The following CUL4A variants were observed in gnomAD, a reference collection of about 807,000 sequenced individuals.
CUL4A encodes cullin 4A, also known as cullin-4A.
CUL4A carries 16 observed loss-of-function variants against 95.5 expected under a neutral mutation model. That is an observed-to-expected ratio of 0.17 (90% CI 0.11 to 0.25). CUL4A has a LOEUF of 0.25. Ranked by LOEUF, CUL4A falls within the 10% of genes least tolerant of loss-of-function variation. CUL4A has a pLI of 1.00. For missense variants in CUL4A, 610 were observed against 937.0 expected (o/e 0.65, Z 4.56); for synonymous variants, 380 against 353.1 (o/e 1.08, Z -0.85).
intron 2 of CUL4A, among the ~76,000 whole-genome samples, chr13:113,214,136 TTTTTGG>T (rs1376850476): frequency 6.6e-6 from 1 of 152,166 alleles, no homozygotes; most frequent in Non-Finnish European, 1.5e-5. Flanking sequence ...TCGTGTTTGG[TTTTTGG>T]TTTTGCTCAC....
At chr13:113,216,154 C>CT (rs1241801615) in intron 2 of CUL4A, among the ~76,000 whole-genome samples, 1 of 150,676 alleles carries the variant, frequency 6.6e-6, no homozygotes, top group African/African-American at 2.5e-5. Flanking sequence ...CTGTGGAGGT[C>CT]TTTGTGTGAC....
At chr13:113,213,673 C>A (rs1170135077) in intron 2 of CUL4A, among the ~76,000 whole-genome samples, 1 of 152,208 alleles carries the variant, frequency 6.6e-6, no homozygotes, top group Non-Finnish European at 1.5e-5. Flanking sequence ...ATAAAACAAT[C>A]ACTAGATATT....
intron 3 of CUL4A, 29 bp downstream of exon 3, chr13:113,219,077 T>A (rs1567016242): frequency 1.6e-5 from 22 of 1,408,822 alleles, no homozygotes; most frequent in Non-Finnish European, 2.1e-5. Flanking sequence ...ATAAAGTTTC[T>A]ATTCATTATC....
At chr13:113,209,574 G>A (rs2040263133), upstream of CUL4A, 2 of 950,470 alleles carry the variant, frequency 2.1e-6, no homozygotes, top group Non-Finnish European at 2.5e-6. Flanking sequence ...CGGGCGGAGC[G>A]GAGCTCGGCG....
intron 18 of CUL4A, 45 bp from the exon 19 acceptor site, chr13:113,260,562 G>A: frequency 6.5e-7 from 1 of 1,548,086 alleles, no homozygotes; most frequent in Non-Finnish European, 8.7e-7. Flanking sequence ...AAAATAAAAA[G>A]AAAATACAGT....
At position 113,225,338 on chromosome 13, in the gene CUL4A, G is replaced by T. The variant is rs368258519; in HGVS notation, c.369-2638G>T. Among the ~76,000 whole-genome samples, 9 of 152,296 alleles carry T rather than the reference G, an allele frequency of 5.9e-5. No individual in the cohort carries two copies. The East Asian group carries it at 1.2e-3, about 20-fold the overall frequency. ...AATATGGAATTGATTTTGATGTTTA[G>T]AAGGCCAAAGCTTACTTAGTAAATG... On this transcript the variant is annotated intron_variant, in intron 3 of 19. Transcript: ENST00000375440.
At chr13:113,238,270 T>C (rs1050505539) in intron 9 of CUL4A, among the ~76,000 whole-genome samples, 4 of 151,930 alleles carry the variant, frequency 2.6e-5, no homozygotes, top group African/African-American at 9.7e-5. Flanking sequence ...AGAGACCCTG[T>C]CTCTACCAAA....
chr13:113,223,579 T>A (rs2139135124), intron 3 of CUL4A, among the ~76,000 whole-genome samples: 1 of 152,316 alleles, frequency 6.6e-6, no homozygotes, highest in South Asian at 2.1e-4. Context: ...GTATTTTTAG[T>A]AGAAACGGGG....
intron 9 of CUL4A, 73 bp from the exon 10 acceptor site, chr13:113,239,360 A>G (rs1045402000): frequency 7.9e-7 from 1 of 1,266,266 alleles, no homozygotes; most frequent in East Asian, 2.3e-5. Context: ...CTTCTGGTGC[A>G]CGCTGTATTC....
At chr13:113,251,318 G>C (rs1433370258) in intron 15 of CUL4A, among the ~76,000 whole-genome samples, 1 of 152,246 alleles carries the variant, frequency 6.6e-6, no homozygotes, top group Non-Finnish European at 1.5e-5. Flanking sequence ...ATGTATGAAA[G>C]ACAGTGGAAT....
chr13:113,233,776 G>A, intron 6 of CUL4A, 121 bp from the exon 7 acceptor site: 2 of 703,318 alleles, frequency 2.8e-6, no homozygotes, highest in South Asian at 1.6e-5. Flanking sequence ...CGGCTGGGTG[G>A]CCACAGGCGC....
chr13:113,257,474 C>G (rs1595431979), intron 18 of CUL4A, among the ~76,000 whole-genome samples: 2 of 152,168 alleles, frequency 1.3e-5, no homozygotes, highest in South Asian at 4.1e-4. Flanking sequence ...ATCACCTCAG[C>G]TTCTGACGAG....
At chr13:113,259,095 T>C (rs940415120) in intron 18 of CUL4A, among the ~76,000 whole-genome samples, 5 of 152,274 alleles carry the variant, frequency 3.3e-5, no homozygotes, top group Non-Finnish European at 7.3e-5. Flanking sequence ...CCAGCCACTT[T>C]ACAAAACTCT....
Position 113,263,688 on chromosome 13 carries a change from T to G in CUL4A, c.*106T>G. ...CTCTGATTGATCCAGCTGTGGACATTGGAAGGCGAAGGAAGGGAGGTGGCT... is the reference window on the plus strand; with the variant it reads ...CTCTGATTGATCCAGCTGTGGACATGGGAAGGCGAAGGAAGGGAGGTGGCT... On this transcript the variant is annotated 3_prime_UTR_variant, in exon 20 of 20. Coordinates refer to ENST00000375440, the MANE Select transcript of CUL4A (RefSeq NM_001008895.4). The G allele has an allele frequency of 1.5e-6, 1 of 654,490 alleles. No homozygotes were observed. The highest frequency in any genetic ancestry group is 2.5e-6 in the Non-Finnish European group (1 of 399,464). The allele number at this position is 654,490 out of a possible 1,614,324, so 40.5% of individuals were successfully genotyped here.
intron 4 of CUL4A, 61 bp downstream of exon 4, chr13:113,228,106 T>C (rs2139158981): frequency 8.0e-7 from 1 of 1,244,278 alleles, no homozygotes; most frequent in East Asian, 2.3e-5. Flanking sequence ...ACCCACATGA[T>C]TGAGAGCTGA....
intron 2 of CUL4A, among the ~76,000 whole-genome samples, chr13:113,210,723 C>T (rs2040388488): frequency 6.6e-6 from 1 of 152,098 alleles, no homozygotes; most frequent in African/African-American, 2.4e-5. Flanking sequence ...AACATTCATT[C>T]AGTAGTCTAA....
intron 5 of CUL4A, among the ~76,000 whole-genome samples, chr13:113,231,334 G>GA (rs1308328045): frequency 6.6e-6 from 1 of 152,186 alleles, no homozygotes; most frequent in Admixed American, 6.5e-5. Flanking sequence ...AGCAAAGGTG[G>GA]TCAGGCAGCT....
At position 113,233,915 on chromosome 13, in the gene CUL4A, G is replaced by C. The variant is rs148458704; in HGVS notation, c.694G>C (p.Glu232Gln). Residue 232 changes from glutamate to glutamine, a missense_variant, in exon 7 of 20, where the codon GAA (glutamate) becomes CAA (glutamine). By Grantham distance (29) the Glu-to-Gln change is conservative. Transcript: ENST00000375440. ...TTCTTAGGTGTATAAAGATTCATTT[G>C]AACTGAAATTTTTGGAAGAGACTAA... ...SDLQVYKDSF[E>Q]LKFLEETNCL... 29 of 1,601,352 alleles carry C rather than the reference G, an allele frequency of 1.8e-5. No homozygotes were observed. In the African/African-American group the frequency reaches 3.9e-4, roughly 21 times the overall value.
intron 18 of CUL4A, 127 bp from the exon 19 acceptor site, chr13:113,260,480 G>A: frequency 1.4e-6 from 1 of 733,118 alleles, no homozygotes; most frequent in South Asian, 1.9e-5. Context: ...ATCCTGGGAG[G>A]CGGAGGTTGC....
Sources: allele counts gnomAD v4.1 joint callset (sites outside exome capture counted in the v4.1 genomes callset), GRCh38; gene constraint gnomAD v4.1.1; transcripts MANE v1.5; gene names NCBI Gene and HGNC (gene_info 2026-07-23, HGNC 2026-07-21).